The following SDC3 variants were observed in gnomAD, a reference collection of about 807,000 sequenced individuals.
The protein encoded by SDC3 is syndecan-3.
In SDC3, 13 loss-of-function variants were observed where a neutral mutation model predicts 24.4. The observed-to-expected ratio is 0.53, with a 90% CI of 0.35 to 0.85. SDC3 has a LOEUF of 0.85. SDC3 is among the 40% of genes least tolerant of loss of function. The pLI is 0.01. For missense variants in SDC3, 571 were observed against 584.5 expected (o/e 0.98, Z 0.24); for synonymous variants, 295 against 260.9 (o/e 1.13, Z -1.26).
intron 1 of SDC3, among the ~76,000 whole-genome samples, chr1:30,903,321 C>A (rs1283017455): frequency 6.6e-6 from 1 of 152,186 alleles, no homozygotes; most frequent in Non-Finnish European, 1.5e-5. Context: ...CTTATGGTGG[C>A]TTTTTAGACC....
In SDC3 at chr1:30,876,617, C is replaced by G. The variant is rs1167536825; in HGVS notation, c.805G>C (p.Asp269His). The G allele has an allele frequency of 6.4e-7, 1 of 1,563,690 alleles. No homozygotes were observed. The highest frequency in any genetic ancestry group is 8.7e-7 in the Non-Finnish European group (1 of 1,155,684). Reference protein sequence around the residue: ...LPRPATTQEPDIPERSTLPLG... With the variant: ...LPRPATTQEPHIPERSTLPLG... ...GGCAGGGTGCTCCTCTCAGGGATGT[C>G]AGGCTCCTGGGTGGTGGCCGGCCTG... The change falls in exon 3 of 5, where the codon GAC becomes CAC. Residue 269 changes from aspartate (D) to histidine (H), a missense_variant. Asp to His is a moderately conservative substitution (Grantham distance 81). Around this residue, in one of 2 missense-constraint regions of SDC3, gnomAD observed 497 missense variants for 471.6 expected, o/e 1.05. Transcript: ENST00000339394.
At chr1:30,902,043 A>C (rs945190742) in intron 1 of SDC3, among the ~76,000 whole-genome samples, 3 of 152,162 alleles carry the variant, frequency 2.0e-5, no homozygotes, top group African/African-American at 7.2e-5. Context: ...TACTCCTTCG[A>C]TGACTTCAAG....
chr1:30,895,160 C>T (rs985014898), intron 1 of SDC3, among the ~76,000 whole-genome samples: 14 of 152,260 alleles, frequency 9.2e-5, no homozygotes, highest in South Asian at 6.2e-4. Flanking sequence ...AGGCTACAAA[C>T]ACTTTTTCCT....
chr1:30,874,667 G>T lies in SDC3; in HGVS notation c.871-79C>A. On this transcript the variant is annotated intron_variant, in intron 3 of 4. Coordinates refer to ENST00000339394, the MANE Select transcript of SDC3 (RefSeq NM_014654.4). ...CCACCACCATCCTACTGCCCTGGGG[G>T]GCTAACACTTAGCACTCCCTACATG... 1.5e-5 allele frequency: 21 copies of T among 1,379,090 alleles called. No homozygotes were observed. In the South Asian group the frequency reaches 2.7e-4, roughly 18 times the overall value. 85.4% of individuals were successfully genotyped at this position (1,379,090 alleles called of 1,614,324 possible). A position where few individuals can be genotyped will look rare whatever the true frequency, so the allele number is the denominator to read the frequency against.
chr1:30,879,982 A>C (rs1263915409), intron 1 of SDC3: 1 of 152,586 alleles, frequency 6.6e-6, no homozygotes, highest in Admixed American at 6.5e-5. Context: ...CTCACCTAAA[A>C]GCAGCCACAG....
chr1:30,893,004 A>T (rs1297544665), intron 1 of SDC3, among the ~76,000 whole-genome samples: 1 of 152,082 alleles, frequency 6.6e-6, no homozygotes, highest in African/African-American at 2.4e-5. Flanking sequence ...AGGGAGCTCC[A>T]CCAGGGAAAG....
At chr1:30,879,604 G>A (rs761428350) in intron 1 of SDC3, among the ~76,000 whole-genome samples, 4 of 152,132 alleles carry the variant, frequency 2.6e-5, no homozygotes, top group Non-Finnish European at 5.9e-5. Context: ...TCTCTGGCAA[G>A]CAGCCTGAAG....
At chr1:30,874,259 C>A in intron 4 of SDC3, 38 bp downstream of exon 4, 1 of 1,533,964 alleles carries the variant, frequency 6.5e-7, no homozygotes. Context: ...ACTCTGGTAT[C>A]CTCCCAGGCT....
chr1:30,891,961 A>AG (rs1639912066), intron 1 of SDC3, among the ~76,000 whole-genome samples: 1 of 152,016 alleles, frequency 6.6e-6, no homozygotes, highest in South Asian at 2.1e-4. Context: ...GAACTCTACA[A>AG]GGACCCCCTG....
At chr1:30,878,809 CG>C in intron 1 of SDC3, 69 bp from the exon 2 acceptor site, 1 of 1,275,984 alleles carries the variant, frequency 7.8e-7, no homozygotes, top group Non-Finnish European at 1.1e-6. Context: ...CCCAGAAGGG[CG>C]ACAGGTGCCC....
chr1:30,906,530 G>A (rs1638523062), intron 1 of SDC3, among the ~76,000 whole-genome samples: 1 of 152,150 alleles, frequency 6.6e-6, no homozygotes, highest in African/African-American at 2.4e-5. Context: ...AAGGAAAGTG[G>A]CCTGCCCAGC....
Position 30,874,501 on chromosome 1 carries a change from G to A in SDC3, c.958C>T (p.Pro320Ser). 1 of 1,614,150 alleles carries A rather than the reference G, an allele frequency of 6.2e-7. No homozygotes were observed. Among genetic ancestry groups the A allele is most frequent in the Non-Finnish European group, 8.5e-7 (1 of 1,180,032 alleles). The change falls in exon 4 of 5, where the codon CCA becomes TCA. Residue 320 changes from proline (P) to serine (S), a missense_variant. By Grantham distance (74) the Pro-to-Ser change is moderately conservative. This residue lies in a region of SDC3 where 497 missense variants were observed against 471.6 expected (regional missense o/e 1.05). Transcript: ENST00000339394. ...SGGPSGDFEL[P>S]EEETTQPDTA... ...TCTGGTTGTGTGGTCTCTTCTTCTG[G>A]CAGCTCGAAGTCTCCACTGGGCCCC...
intron 1 of SDC3, among the ~76,000 whole-genome samples, chr1:30,896,387 G>A (rs1218159283): frequency 1.3e-5 from 2 of 152,086 alleles, no homozygotes; most frequent in African/African-American, 4.8e-5. Flanking sequence ...ACATAATTGG[G>A]CTTGGCAAAG....
intron 1 of SDC3, among the ~76,000 whole-genome samples, chr1:30,886,517 G>A (rs1639831670): frequency 6.6e-6 from 1 of 152,136 alleles, no homozygotes; most frequent in African/African-American, 2.4e-5. Flanking sequence ...GGATCTCAGT[G>A]AAACCACTCA....
At chr1:30,877,678 C>T (rs58005327) in intron 2 of SDC3, 5,303 of 166,992 alleles carry the variant, frequency 0.032, 308 homozygotes, top group African/African-American at 0.12. Context: ...ATCTGGCTGA[C>T]GCAAAGCCGG....
chr1:30,908,449 C>A lies in SDC3; in HGVS notation c.138G>T (p.Gly46=). ...GGGGATCCGGGCGCGTGTCACTCAC[C>A]CCCGCGGCGCGCCCCGCCAGCAGCA... ...LLLLLAGRAA[G]AQRWRSENFE... is the part of the protein sequence containing the mutation. Residue 46 remains glycine, a splice_region_variant and synonymous_variant, in exon 1 of 5, where the codon GGG becomes GGT. Coordinates refer to ENST00000339394, the MANE Select transcript of SDC3 (RefSeq NM_014654.4). 1 of 1,040,312 alleles carries A rather than the reference C, an allele frequency of 9.6e-7. No homozygotes were observed. Among genetic ancestry groups the A allele is most frequent in the Non-Finnish European group, 1.2e-6 (1 of 861,428 alleles). The allele number at this position is 1,040,312 out of a possible 1,614,324, so 64.4% of individuals were successfully genotyped here. A position where few individuals can be genotyped will look rare whatever the true frequency, so the allele number is the denominator to read the frequency against.
chr1:30,873,655 C>T (rs1179348615), intron 4 of SDC3, among the ~76,000 whole-genome samples: 1 of 152,150 alleles, frequency 6.6e-6, no homozygotes, highest in Non-Finnish European at 1.5e-5. Flanking sequence ...AATGCCACCA[C>T]TCATAAGATG....
intron 1 of SDC3, among the ~76,000 whole-genome samples, chr1:30,888,104 C>A (rs987204707): frequency 2.6e-5 from 4 of 152,248 alleles, no homozygotes; most frequent in Non-Finnish European, 4.4e-5. Flanking sequence ...AAGAAAGCAG[C>A]CTTCACTGAG....
chr1:30,878,480 T>C (rs1309008703), intron 2 of SDC3, 143 bp downstream of exon 2: 2 of 650,832 alleles, frequency 3.1e-6, no homozygotes, highest in Non-Finnish European at 5.5e-6. Flanking sequence ...GTTCTGGGGA[T>C]CCAGAGCAAG....
Sources: gnomAD v4.1 joint callset for allele counts (sites outside exome capture counted in the v4.1 genomes callset) on GRCh38, gnomAD v4.1.1 for gene constraint, gnomAD v4.1.1 regional missense constraint, MANE v1.5 for transcripts, NCBI Gene and HGNC (gene_info 2026-07-23, HGNC 2026-07-21) for gene names.